ALDH1L1: variants seen among roughly 807,000 people sequenced by gnomAD.
ALDH1L1 encodes cytosolic 10-formyltetrahydrofolate dehydrogenase.
A neutral mutation model predicts 101.1 loss-of-function variants in ALDH1L1; 68 were observed. The ratio of observed to expected loss-of-function variants is 0.67; its 90% CI spans 0.55 to 0.82. The LOEUF is 0.82. Among genes scored for constraint, ALDH1L1 ranks in the 40% least tolerant of loss-of-function variants. ALDH1L1 has a pLI of 0.00. For missense variants in ALDH1L1, 1,087 were observed against 1,172.7 expected (o/e 0.93, Z 1.07); for synonymous variants, 486 against 470.8 (o/e 1.03, Z -0.42).
chr3:126,120,255 G>A (rs1559924852), intron 16 of ALDH1L1, among the ~76,000 whole-genome samples: 1 of 152,234 alleles, frequency 6.6e-6, no homozygotes, highest in African/African-American at 2.4e-5. Flanking sequence ...GGATGGATAA[G>A]TAACTGATGT....
chr3:126,126,431 T>C (rs1030632381), intron 14 of ALDH1L1, among the ~76,000 whole-genome samples: 3 of 152,204 alleles, frequency 2.0e-5, no homozygotes, highest in Non-Finnish European at 4.4e-5. Flanking sequence ...CAGAGCCCCG[T>C]AGACCACGCA....
chr3:126,157,957 T>A (rs566371294), intron 3 of ALDH1L1, among the ~76,000 whole-genome samples: 3 of 152,306 alleles, frequency 2.0e-5, no homozygotes, highest in Admixed American at 6.5e-5. Context: ...GAGTACCTTG[T>A]GGAGGCCATC....
Position 126,105,768 on chromosome 3 carries a change from G to T in ALDH1L1, c.2611C>A (p.Pro871Thr). 6.2e-7 allele frequency: 1 copy of T among 1,614,218 alleles called. No individual in the cohort carries two copies. Among genetic ancestry groups the T allele is most frequent in the South Asian group, 1.1e-5 (1 of 91,082 alleles). ...CCAGACTGTTTGAATCCTCCGAAGGGAGCGGCCACGTCGGTCTTGTTGTAC... is the reference window on the plus strand; with the variant it reads ...CCAGACTGTTTGAATCCTCCGAAGGTAGCGGCCACGTCGGTCTTGTTGTAC... The part of the protein sequence containing the change: ...NTYNKTDVAA[P>T]FGGFKQSGFG... The change falls in exon 22 of 23, where the codon CCC (proline) becomes ACC (threonine). Residue 871 changes from proline to threonine, a missense_variant. Pro to Thr is a conservative substitution (Grantham distance 38, BLOSUM62 -1). Transcript: ENST00000393434.
chr3:126,194,029 A>G (rs1294236105), intron 1 of ALDH1L1, among the ~76,000 whole-genome samples: 1 of 152,144 alleles, frequency 6.6e-6, no homozygotes, highest in Non-Finnish European at 1.5e-5. Context: ...ATATTCTAGG[A>G]TTTTACGTGC....
intron 19 of ALDH1L1, among the ~76,000 whole-genome samples, chr3:126,111,373 G>T (rs944093401): frequency 2.0e-5 from 3 of 152,250 alleles, no homozygotes; most frequent in African/African-American, 4.8e-5. Context: ...GCAGAATGCA[G>T]GCCCCCAGGG....
chr3:126,171,246 C>T (rs996124151), intron 1 of ALDH1L1, among the ~76,000 whole-genome samples: 1 of 152,126 alleles, frequency 6.6e-6, no homozygotes, highest in Non-Finnish European at 1.5e-5. Flanking sequence ...TGCAGTGAGC[C>T]GAGATGGCGC....
At chr3:126,181,684 C>T (rs1164069835), upstream of ALDH1L1, among the ~76,000 whole-genome samples, 2 of 152,210 alleles carry the variant, frequency 1.3e-5, no homozygotes, top group Non-Finnish European at 2.9e-5. Context: ...CTGTCTCTCC[C>T]ACTAGACTGT....
chr3:126,111,689 C>T (rs1018298632), intron 19 of ALDH1L1, among the ~76,000 whole-genome samples: 3 of 152,242 alleles, frequency 2.0e-5, no homozygotes, highest in African/African-American at 7.2e-5. Context: ...CCCTCCCTCA[C>T]CCCTCTGCTC....
At chr3:126,154,145 C>A (rs2080860555) in intron 6 of ALDH1L1, among the ~76,000 whole-genome samples, 1 of 152,188 alleles carries the variant, frequency 6.6e-6, no homozygotes, top group Non-Finnish European at 1.5e-5. Context: ...AGCCTGTGAC[C>A]CCCAAGTCTC....
At chr3:126,121,867 C>A (rs2080086249) in intron 16 of ALDH1L1, among the ~76,000 whole-genome samples, 1 of 152,160 alleles carries the variant, frequency 6.6e-6, no homozygotes, top group African/African-American at 2.4e-5. Flanking sequence ...GGCCACCAAG[C>A]CCTCTCATTT....
chr3:126,177,297 C>A (rs952591551), intron 1 of ALDH1L1, among the ~76,000 whole-genome samples: 1 of 152,164 alleles, frequency 6.6e-6, no homozygotes, highest in Non-Finnish European at 1.5e-5. Flanking sequence ...TGGAAGCAAC[C>A]AAGATATCCT....
At chr3:126,131,240 A>G in intron 13 of ALDH1L1, 144 bp downstream of exon 13, 1 of 1,109,286 alleles carries the variant, frequency 9.0e-7, no homozygotes, top group Non-Finnish European at 1.2e-6. Flanking sequence ...GCAGGACCAC[A>G]AGCTAATAAA....
upstream of ALDH1L1, chr3:126,180,770 C>T: frequency 6.9e-7 from 1 of 1,458,540 alleles, no homozygotes. Flanking sequence ...GGGGCCTGCG[C>T]TCTTTCCCGC....
At chr3:126,128,052 T>C (rs2886239) in intron 14 of ALDH1L1, among the ~76,000 whole-genome samples, 98,821 of 151,646 alleles carry the variant, frequency 0.65, 32,395 homozygotes, top group Middle Eastern at 0.72. Flanking sequence ...CTGGGATCCG[T>C]GAGGCCAGCA....
intron 12 of ALDH1L1, among the ~76,000 whole-genome samples, chr3:126,134,454 C>T (rs1178978631): frequency 6.6e-6 from 1 of 152,336 alleles, no homozygotes; most frequent in East Asian, 1.9e-4. Flanking sequence ...CACAGCTCTT[C>T]CTGACCTCCA....
At chr3:126,188,270 A>G (rs1045658856) in intron 1 of ALDH1L1, among the ~76,000 whole-genome samples, 1 of 152,250 alleles carries the variant, frequency 6.6e-6, no homozygotes, top group African/African-American at 2.4e-5. Flanking sequence ...ACAACCAAAT[A>G]CAAATCAAAA....
chr3:126,127,791 C>G (rs3772417), intron 14 of ALDH1L1, among the ~76,000 whole-genome samples: 106,696 of 152,168 alleles, frequency 0.7, 38,262 homozygotes, highest in African/African-American at 0.86. Flanking sequence ...GGCTCTCTAG[C>G]TCTGATCACT....
At chr3:126,153,289 G>A (rs2080841176) in intron 7 of ALDH1L1, 155 bp downstream of exon 7, 1 of 1,161,240 alleles carries the variant, frequency 8.6e-7, no homozygotes, top group African/African-American at 1.5e-5. Flanking sequence ...GGACCAGCCG[G>A]GTGGTCAGGG....
chr3:126,180,732 T>C (rs2081461853), upstream of ALDH1L1: 3 of 1,416,780 alleles, frequency 2.1e-6, no homozygotes, highest in Non-Finnish European at 2.8e-6. Context: ...GGCGGGTCTA[T>C]AAATGCCATG....
Sources: gnomAD v4.1 joint callset for allele counts (sites outside exome capture counted in the v4.1 genomes callset) on GRCh38, gnomAD v4.1.1 for gene constraint, MANE v1.5 for transcripts, NCBI Gene and HGNC (gene_info 2026-07-23, HGNC 2026-07-21) for gene names.